The following CRTC3 variants were observed in gnomAD, a reference collection of about 807,000 sequenced individuals.
The protein encoded by CRTC3 is CREB-regulated transcription coactivator 3.
Under a neutral mutation model 74.5 loss-of-function variants are expected in CRTC3, and 26 were observed. The observed-to-expected ratio is 0.35, with a 90% CI of 0.26 to 0.48. CRTC3 has a LOEUF of 0.48. CRTC3 is among the 20% of genes least tolerant of loss of function. CRTC3 has a pLI of 0.99. For missense variants in CRTC3, 760 were observed against 787.3 expected, an observed-to-expected ratio of 0.97 and a Z score of 0.41; for synonymous variants, 377 against 325.8, an observed-to-expected ratio of 1.16 and a Z score of -1.69.
Position 90,530,105 on chromosome 15 carries a change from C to T in CRTC3, c.34C>T (p.Pro12Ser). 6.9e-7 allele frequency: 1 copy of T among 1,453,762 alleles called. No homozygotes were observed. The allele number at this position is 1,453,762 out of a possible 1,614,324, so 90.1% of individuals were successfully genotyped here. Residue 12 changes from proline (P) to serine (S), a missense_variant, in exon 1 of 15, where the codon CCG (proline) becomes TCG (serine). Coordinates refer to ENST00000268184, the MANE Select transcript of CRTC3 (RefSeq NM_022769.5). The surrounding 1 kb of genome is among the most constrained non-coding windows in gnomAD (Gnocchi z 6.2). ...AASPGSGSAN[P>S]RKFSEKIALH... ...CTCGCCGGGCTCGGGCAGCGCCAAC[C>T]CGCGGAAGTTCAGTGAGAAGATCGC...
intron 13 of CRTC3, among the ~76,000 whole-genome samples, chr15:90,639,299 C>T (rs1019155116): frequency 4.6e-5 from 7 of 152,136 alleles, no homozygotes; most frequent in East Asian, 1.9e-4. Context: ...ATTTTCAACT[C>T]GGCCACTTTC....
At chr15:90,617,394 G>T (rs1411549847) in intron 7 of CRTC3, among the ~76,000 whole-genome samples, 1 of 152,178 alleles carries the variant, frequency 6.6e-6, no homozygotes, top group African/African-American at 2.4e-5. Context: ...GCCCAAAGTG[G>T]CTTCCCTAGT....
At chr15:90,641,843 G>A in intron 14 of CRTC3, 89 bp from the exon 15 acceptor site, 1 of 1,066,448 alleles carries the variant, frequency 9.4e-7, no homozygotes, top group Non-Finnish European at 1.4e-6. Context: ...TAGCAGTTTA[G>A]GGGACTGTCA....
intron 2 of CRTC3, among the ~76,000 whole-genome samples, chr15:90,547,235 TGTG>T (rs1485153570): frequency 6.6e-6 from 1 of 152,242 alleles, no homozygotes; most frequent in East Asian, 1.9e-4. Flanking sequence ...TCATTTCTTT[TGTG>T]GTGAGAATCT....
intron 14 of CRTC3, among the ~76,000 whole-genome samples, chr15:90,641,685 C>CAAAAAAAAAAA (rs11294553): frequency 6.9e-4 from 92 of 132,894 alleles, no homozygotes; most frequent in African/African-American, 2.4e-3. Context: ...CAACAGTCTC[C>CAAAAAAAAAAA]AAAAAAAAAA....
chr15:90,539,935 A>G (rs969226025), intron 1 of CRTC3, 104 bp from the exon 2 acceptor site: 2 of 804,650 alleles, frequency 2.5e-6, no homozygotes, highest in South Asian at 1.6e-5. Flanking sequence ...AAATTGAAAC[A>G]AGACTTTCAT....
In CRTC3 at chr15:90,530,202, G is replaced by T; in HGVS notation, c.131G>T (p.Arg44Leu). The change falls in exon 1 of 15, where the codon CGG becomes CTG. Residue 44 changes from arginine (R) to leucine (L), a missense_variant and splice_region_variant. By Grantham distance (102) the Arg-to-Leu change is moderately radical (BLOSUM62 -2). Around this residue, in one of 2 missense-constraint regions of CRTC3, gnomAD observed 108 missense variants for 152.1 expected, o/e 0.71. Coordinates refer to ENST00000268184, the MANE Select transcript of CRTC3 (RefSeq NM_022769.5). This position sits in a 1 kb window ranked among gnomAD's most constrained non-coding sequence, Gnocchi z 6.2. ...EQLMTDLTLSRVQFQKLQQLR... is the reference protein window; with the variant it reads ...EQLMTDLTLSLVQFQKLQQLR... ...CTCATGACCGACCTCACCCTGTCGC[G>T]GGTGAGGGCCCGGGCCGGCGCGGGC... 1 of 1,253,088 alleles carries T rather than the reference G, an allele frequency of 8.0e-7. No homozygotes were observed. The highest frequency in any genetic ancestry group is 1.0e-6 in the Non-Finnish European group (1 of 974,624). The allele number at this position is 1,253,088 out of a possible 1,614,324, so 77.6% of individuals were successfully genotyped here.
intron 2 of CRTC3, among the ~76,000 whole-genome samples, chr15:90,588,354 A>G (rs1744813162): frequency 6.6e-6 from 1 of 151,376 alleles, no homozygotes; most frequent in Admixed American, 6.6e-5. Context: ...TTTAGTAACA[A>G]TCCAAAAACT....
At chr15:90,603,330 C>A (rs1418901749) in intron 4 of CRTC3, among the ~76,000 whole-genome samples, 1 of 150,510 alleles carries the variant, frequency 6.6e-6, no homozygotes, top group African/African-American at 2.4e-5. Flanking sequence ...GTAGTCCCAG[C>A]TACTCGGGAG....
At position 90,622,574 on chromosome 15, in the gene CRTC3, G is replaced by C. The variant is rs1204223599; in HGVS notation, c.749+2784G>C. Among the ~76,000 whole-genome samples, 4 of 152,320 alleles carry C rather than the reference G, an allele frequency of 2.6e-5. No individual in the cohort carries two copies. In the East Asian group the frequency reaches 7.7e-4, roughly 29 times the overall value. ...GCCATCTAAGACAAAATTCAGGCTGGGCGCAGTGGCTCATGCCTGTAATCG... is the reference window on the plus strand; with the variant it reads ...GCCATCTAAGACAAAATTCAGGCTGCGCGCAGTGGCTCATGCCTGTAATCG... On this transcript the variant is annotated intron_variant, in intron 9 of 14. Coordinates refer to ENST00000268184, the MANE Select transcript of CRTC3 (RefSeq NM_022769.5).
intron 2 of CRTC3, among the ~76,000 whole-genome samples, chr15:90,552,041 C>A (rs1349549252): frequency 6.6e-6 from 1 of 152,088 alleles, no homozygotes; most frequent in Non-Finnish European, 1.5e-5. Flanking sequence ...GTCCCTACTC[C>A]AAGAGTGGTG....
At chr15:90,630,756 A>AT (rs1175467073) in intron 11 of CRTC3, among the ~76,000 whole-genome samples, 639 of 23,646 alleles carry the variant, frequency 0.027, 169 homozygotes, top group Non-Finnish European at 0.049. Context: ...TTACAGCATC[A>AT]TTTTTTTTTT....
At chr15:90,635,383 A>G (rs536689937) in intron 11 of CRTC3, among the ~76,000 whole-genome samples, 67 of 152,002 alleles carry the variant, frequency 4.4e-4, no homozygotes, top group Middle Eastern at 6.8e-3. Context: ...GGTGGCTCAC[A>G]CCTGTAATCT....
intron 2 of CRTC3, among the ~76,000 whole-genome samples, chr15:90,567,610 C>A (rs1017843199): frequency 2.0e-5 from 3 of 151,964 alleles, no homozygotes; most frequent in African/African-American, 7.3e-5. Flanking sequence ...ATTGCTTGAA[C>A]CCGGGAGGCA....
intron 2 of CRTC3, among the ~76,000 whole-genome samples, chr15:90,593,169 A>T (rs1405905394): frequency 6.6e-6 from 1 of 152,182 alleles, no homozygotes; most frequent in Non-Finnish European, 1.5e-5. Context: ...CAAACAAACA[A>T]AAAAAATTCT....
chr15:90,553,875 C>T (rs1228562366), intron 2 of CRTC3, among the ~76,000 whole-genome samples: 1 of 152,170 alleles, frequency 6.6e-6, no homozygotes, highest in African/African-American at 2.4e-5. Flanking sequence ...AACCAATGAT[C>T]TACTTGAAAA....
chr15:90,628,910 C>T (rs1039074446), intron 10 of CRTC3, among the ~76,000 whole-genome samples: 2 of 152,130 alleles, frequency 1.3e-5, no homozygotes, highest in Non-Finnish European at 2.9e-5. Flanking sequence ...AGGGTCCTTT[C>T]CCTGGGTCTG....
At chr15:90,640,835 G>A (rs1430627411) in intron 13 of CRTC3, among the ~76,000 whole-genome samples, 1 of 152,128 alleles carries the variant, frequency 6.6e-6, no homozygotes, top group Non-Finnish European at 1.5e-5. Flanking sequence ...GAGCATTGGT[G>A]TCTCTTGGGA....
intron 2 of CRTC3, among the ~76,000 whole-genome samples, chr15:90,552,783 G>C (rs1249510490): frequency 6.6e-6 from 1 of 152,200 alleles, no homozygotes; most frequent in Non-Finnish European, 1.5e-5. Context: ...ATTGTGTTAA[G>C]GGAACTGGGG....
Sources: gnomAD v4.1 joint callset for allele counts (sites outside exome capture counted in the v4.1 genomes callset) on GRCh38, gnomAD v4.1.1 for gene constraint, gnomAD v4.1.1 regional missense constraint, Gnocchi (gnomAD v3.1) non-coding constraint, MANE v1.5 for transcripts, NCBI Gene and HGNC (gene_info 2026-07-23, HGNC 2026-07-21) for gene names.